The following MIB2 variants were observed in gnomAD, a reference collection of about 807,000 sequenced individuals.
MIB2 encodes MIB E3 ubiquitin protein ligase 2, also known as E3 ubiquitin-protein ligase MIB2.
Under a neutral mutation model 96.6 loss-of-function variants are expected in MIB2, and 78 were observed. That is an observed-to-expected ratio of 0.81 (90% confidence interval 0.67 to 0.97). The LOEUF is 0.97. MIB2 is among the 50% of genes least tolerant of loss of function. The pLI is 0.00. For missense variants in MIB2, 1,543 were observed against 1,424.0 expected (o/e 1.08, Z -1.35); for synonymous variants, 820 against 629.5 (o/e 1.30, Z -4.53).
Position 1,626,279 on chromosome 1 carries a change from C to T in MIB2, c.973-371C>T. On this transcript the variant is annotated intron_variant, in intron 8 of 19. Coordinates refer to ENST00000355826, the MANE Select transcript of MIB2 (RefSeq NM_001170687.4). The surrounding 1 kb of genome is among the most constrained non-coding windows in gnomAD (Gnocchi z 5.3). ...GAGGGCTCAGGTGGGGCAGAGTGGG[C>T]CCGTCCTGCACCCCATGGTCCTGGG... 1 of 303,034 alleles carries T rather than the reference C, an allele frequency of 3.3e-6. No homozygotes were observed. 18.8% of individuals were successfully genotyped at this position (303,034 alleles called of 1,614,324 possible).
At chr1:1,624,254 G>A in intron 4 of MIB2, 1 of 468,778 alleles carries the variant, frequency 2.1e-6, no homozygotes, top group Non-Finnish European at 3.8e-6. Context: ...CTGGTCCGAG[G>A]GCATCAGCTC....
At position 1,615,857 on chromosome 1, in the gene MIB2, C is replaced by T. The variant is rs1230658624; in HGVS notation, c.-130+224C>T. On this transcript the variant is annotated intron_variant, in intron 1 of 19. Transcript: ENST00000355826. ...TCCGGCCACCCGCGCGGGACTCCAGCTCCCGGCAGGCCTCGCGCGGCCCGG... is the reference window on the plus strand; with the variant it reads ...TCCGGCCACCCGCGCGGGACTCCAGTTCCCGGCAGGCCTCGCGCGGCCCGG... 4 of 1,190,738 alleles carry T rather than the reference C, an allele frequency of 3.4e-6. No homozygotes were observed. In the East Asian group the frequency reaches 1.3e-4, roughly 39 times the overall value. 73.8% of individuals were successfully genotyped at this position (1,190,738 alleles called of 1,614,324 possible). A position where few individuals can be genotyped will look rare whatever the true frequency, so the allele number is the denominator to read the frequency against.
At position 1,625,010 on chromosome 1, in the gene MIB2, C is replaced by T; in HGVS notation, c.546C>T (p.Gly182=). The T allele has an allele frequency of 6.2e-7, 1 of 1,612,254 alleles. No homozygotes were observed. Among genetic ancestry groups the T allele is most frequent in the Non-Finnish European group, 8.5e-7 (1 of 1,179,508 alleles). Reference sequence around the variant, plus strand: ...CCCCAGGAGGGGAAGGGAAACCGGGCCGTGTGGTGGACATCCGTGGCTGGG... The same window carrying T: ...CCCCAGGAGGGGAAGGGAAACCGGGTCGTGTGGTGGACATCCGTGGCTGGG... ...GSQDGGEGKP[G]RVVDIRGWDV... Residue 182 remains glycine, a synonymous_variant, in exon 6 of 20, where the codon GGC becomes GGT. Coordinates refer to ENST00000355826, the MANE Select transcript of MIB2 (RefSeq NM_001170687.4). This position sits in a 1 kb window ranked among gnomAD's most constrained non-coding sequence, Gnocchi z 5.0.
At position 1,628,537 on chromosome 1, in the gene MIB2, C is replaced by T. The variant is rs1334920268; in HGVS notation, c.2017C>T (p.His673Tyr). Residue 673 changes from histidine to tyrosine, a missense_variant, in exon 16 of 20, where the codon CAT becomes TAT. Coordinates refer to ENST00000355826, the MANE Select transcript of MIB2 (RefSeq NM_001170687.4). ...CAACCGGAAGCTGCAGTCCCCGCTG[C>T]ATCTCGCCGTGCAACAGGCCCACGT... ...VRNRKLQSPL[H>Y]LAVQQAHVGL... 4.4e-6 allele frequency: 7 copies of T among 1,601,486 alleles called. No individual in the cohort carries two copies. In the Admixed American group the frequency reaches 5.0e-5, roughly 11 times the overall value.
intron 1 of MIB2, 114 bp downstream of exon 1, chr1:1,615,747 C>G: frequency 6.8e-7 from 1 of 1,460,756 alleles, no homozygotes; most frequent in Non-Finnish European, 9.0e-7. Context: ...CCCAGCAGCC[C>G]CGGGCTGGAC....
At chr1:1,615,720 GT>G in intron 1 of MIB2, 87 bp downstream of exon 1, 1 of 1,495,030 alleles carries the variant, frequency 6.7e-7, no homozygotes, top group Non-Finnish European at 8.9e-7. Flanking sequence ...GCGCCGTCCG[GT>G]TCCCGCTCCC....
chr1:1,616,489 C>T lies in MIB2; in HGVS notation c.-129-19C>T, dbSNP rs374155991. ...TCGAGGTGCTAACTGTGCATCTTGG[C>T]ATCTCCCCTCGGCCACAGGGTTGGA... On this transcript the variant is annotated intron_variant, in intron 1 of 19. Coordinates refer to ENST00000355826, the MANE Select transcript of MIB2 (RefSeq NM_001170687.4). The T allele has an allele frequency of 1.5e-5, 23 of 1,528,442 alleles. No homozygotes were observed. The African/African-American group carries it at 2.5e-4, about 17-fold the overall frequency. 94.7% of individuals were successfully genotyped at this position (1,528,442 alleles called of 1,614,324 possible).
Position 1,627,832 on chromosome 1 carries a change from G to T in MIB2, c.1680+3G>T. 1 of 1,593,168 alleles carries T rather than the reference G, an allele frequency of 6.3e-7. No individual in the cohort carries two copies. The highest frequency in any genetic ancestry group is 8.5e-7 in the Non-Finnish European group (1 of 1,179,324). On this transcript the variant is annotated splice_donor_region_variant and intron_variant, in intron 13 of 19. Coordinates refer to ENST00000355826, the MANE Select transcript of MIB2 (RefSeq NM_001170687.4). ...GCGGCTGTGACGTCAACCTGCCCGT[G>T]AGTGCTGCTCCCTGGCCTGGGTGCC...
intron 2 of MIB2, chr1:1,617,015 G>GT: frequency 4.6e-6 from 1 of 218,454 alleles, no homozygotes. Context: ...GGTGCCTGTA[G>GT]GTCTCCACCC....
rs1466258392 is a variant in MIB2, at chr1:1,626,325, C to T, written c.973-325C>T. On this transcript the variant is annotated intron_variant, in intron 8 of 19. Transcript: ENST00000355826. This position sits in a 1 kb window ranked among gnomAD's most constrained non-coding sequence, Gnocchi z 5.3. ...CTGGGGCCCCACCCCCACGCTGGCT[C>T]ACGGGCCCTGGCCATGTTGCCTGCT... 1.0e-5 allele frequency: 4 copies of T among 401,030 alleles called. No homozygotes were observed. Among genetic ancestry groups the T allele is most frequent in the South Asian group, 4.7e-5 (1 of 21,332 alleles). 24.8% of individuals were successfully genotyped at this position (401,030 alleles called of 1,614,324 possible).
At position 1,629,488 on chromosome 1, in the gene MIB2, G is replaced by A; in HGVS notation, c.2485G>A (p.Ala829Thr). The A allele has an allele frequency of 6.5e-7, 1 of 1,533,344 alleles. No individual in the cohort carries two copies. Among genetic ancestry groups the A allele is most frequent in the Non-Finnish European group, 8.7e-7 (1 of 1,145,414 alleles). 95.0% of individuals were successfully genotyped at this position (1,533,344 alleles called of 1,614,324 possible). A position where few individuals can be genotyped will look rare whatever the true frequency, so the allele number is the denominator to read the frequency against. The change falls in exon 18 of 20, where the codon GCC becomes ACC. Residue 829 changes from alanine to threonine, a missense_variant. Transcript: ENST00000355826. ...CGTGGGCGCCGCGCCGGGGCCCGAGGCCGCTGAGTGCCTGGTGTGCTCCGA... is the reference window on the plus strand; with the variant it reads ...CGTGGGCGCCGCGCCGGGGCCCGAGACCGCTGAGTGCCTGGTGTGCTCCGA... ...LHVGAAPGPEAAECLVCSELA... is the reference protein window; with the variant it reads ...LHVGAAPGPETAECLVCSELA...
At chr1:1,628,432 G>T (rs981411318) in intron 15 of MIB2, 33 bp downstream of exon 15, 5 of 1,602,942 alleles carry the variant, frequency 3.1e-6, no homozygotes, top group Non-Finnish European at 4.3e-6. Flanking sequence ...CCCAAGGACC[G>T]GGGAGCGGGA....
At chr1:1,630,257 G>A (rs1359240042) in intron 19 of MIB2, 35 bp from the exon 20 acceptor site, 2 of 248,018 alleles carry the variant, frequency 8.1e-6, no homozygotes, top group African/African-American at 1.1e-4. Context: ...TCCCCCACCC[G>A]GCCTCCCAGC....
chr1:1,626,516 TGGGGTC>T lies in MIB2; in HGVS notation c.973-123_973-118del, dbSNP rs1185335486. The T allele has an allele frequency of 4.7e-5, 34 of 723,866 alleles. No individual in the cohort carries two copies. The highest frequency in any genetic ancestry group is 7.6e-5 in the South Asian group (4 of 52,368). The allele number at this position is 723,866 out of a possible 1,614,324, so 44.8% of individuals were successfully genotyped here. On this transcript the variant is annotated intron_variant, in intron 8 of 19. Transcript: ENST00000355826. The surrounding 1 kb of genome is among the most constrained non-coding windows in gnomAD (Gnocchi z 5.3). ...TCCAGCCAGAGCCTCTGGCAGTGCC[TGGGGTC>T]GGGGTCGGGGCCGGGGCCGAGTCAG...
At chr1:1,615,142 G>C, upstream of MIB2, 1 of 375,106 alleles carries the variant, frequency 2.7e-6, no homozygotes, top group Non-Finnish European at 4.8e-6. Context: ...CCCGGGGCGG[G>C]AGGACGGGCC....
chr1:1,624,200 A>G, intron 4 of MIB2: 1 of 543,942 alleles, frequency 1.8e-6, no homozygotes, highest in Non-Finnish European at 3.3e-6. Context: ...AGGACAGCCC[A>G]TACCCGGAGC....
intron 2 of MIB2, among the ~76,000 whole-genome samples, chr1:1,620,093 A>T (rs929850628): frequency 6.6e-6 from 1 of 152,190 alleles, no homozygotes; most frequent in African/African-American, 2.4e-5. Context: ...CATCCCCCCA[A>T]GGGCAAGATT....
At position 1,621,189 on chromosome 1, in the gene MIB2, C is replaced by T. The variant is rs535661506; in HGVS notation, c.-22-2242C>T. 5.9e-5 allele frequency among the ~76,000 whole-genome samples: 9 copies of T among 152,366 alleles called. No individual in the cohort carries two copies. In the East Asian group the frequency reaches 9.6e-4, roughly 16 times the overall value. On this transcript the variant is annotated intron_variant, in intron 2 of 19. Coordinates refer to ENST00000355826, the MANE Select transcript of MIB2 (RefSeq NM_001170687.4). The stretch of plus-strand genomic sequence containing the variant: ...ACCTGGGGGCTGCCCTCAGAGGCCC[C>T]GCGAGGGGAATAGTGCCACAGGGGC...
chr1:1,624,776 T>C lies in MIB2; in HGVS notation c.420-19T>C, dbSNP rs888048769. On this transcript the variant is annotated intron_variant, in intron 4 of 19. Transcript: ENST00000355826. The stretch of plus-strand genomic sequence containing the variant: ...TGGCGGTTTTCTTCTGAGAGCTTTA[T>C]TTGTGAACCCTCTTGCAGTGTCACA... 1.1e-5 allele frequency: 18 copies of C among 1,606,560 alleles called. No individual in the cohort carries two copies. The highest frequency in any genetic ancestry group is 1.5e-5 in the Non-Finnish European group (18 of 1,175,556).
Sources: gnomAD v4.1 joint callset for allele counts (sites outside exome capture counted in the v4.1 genomes callset) on GRCh38, gnomAD v4.1.1 for gene constraint, Gnocchi (gnomAD v3.1) non-coding constraint, MANE v1.5 for transcripts, NCBI Gene and HGNC (gene_info 2026-07-23, HGNC 2026-07-21) for gene names.